Variants in PLCB1 observed in about 807,000 individuals in gnomAD.
The protein encoded by PLCB1 is phospholipase C beta 1.
Under a neutral mutation model 161.8 loss-of-function variants are expected in PLCB1, and 46 were observed. The observed-to-expected ratio is 0.28, with a 90% CI of 0.22 to 0.36. The LOEUF (loss-of-function observed/expected upper bound fraction) is 0.36. Among genes scored for constraint, PLCB1 ranks in the 10% least tolerant of loss-of-function variants. The pLI, the probability that PLCB1 is intolerant of heterozygous loss-of-function variation, is 1.00. For missense variants in PLCB1, 1,016 were observed against 1,472.5 expected, an observed-to-expected ratio of 0.69 and a Z score of 5.07; for synonymous variants, 517 against 503.7, an observed-to-expected ratio of 1.03 and a Z score of -0.35.
intron 2 of PLCB1, among the ~76,000 whole-genome samples, chr20:8,261,493 C>G (rs375057540): frequency 6.6e-6 from 1 of 152,166 alleles, no homozygotes; most frequent in African/African-American, 2.4e-5. Flanking sequence ...CTATAAGATT[C>G]CAGCTTTGCG....
chr20:8,453,866 A>C (rs1981179771), intron 3 of PLCB1, among the ~76,000 whole-genome samples: 1 of 152,210 alleles, frequency 6.6e-6, no homozygotes, highest in Admixed American at 6.5e-5. Context: ...CCTCACCCAC[A>C]GTGTAACTGT....
chr20:8,570,056 T>C (rs1986457300), intron 3 of PLCB1, among the ~76,000 whole-genome samples: 2 of 152,320 alleles, frequency 1.3e-5, no homozygotes, highest in Admixed American at 1.3e-4. Context: ...AATGTTTGCT[T>C]CATGCCAAAG....
At position 8,672,977 on chromosome 20, in the gene PLCB1, T is replaced by C. The variant is rs868421923; in HGVS notation, c.863-11955T>C. 3.8e-4 allele frequency among the ~76,000 whole-genome samples: 58 copies of C among 152,072 alleles called. 1 individual carries two copies. Among genetic ancestry groups the C allele is most frequent in the African/African-American group, 1.4e-3 (56 of 41,464 alleles). On this transcript the variant is annotated intron_variant, in intron 9 of 31. Coordinates refer to ENST00000338037, the MANE Select transcript of PLCB1 (RefSeq NM_015192.4). Reference sequence around the variant, plus strand: ...AAATATAAAAATTAGCCTAGCATGGTGATGCGCGCCTGTAATCCCAGCTAC... The same window carrying C: ...AAATATAAAAATTAGCCTAGCATGGCGATGCGCGCCTGTAATCCCAGCTAC...
intron 31 of PLCB1, among the ~76,000 whole-genome samples, chr20:8,851,172 G>A (rs1190964840): frequency 6.6e-6 from 1 of 152,184 alleles, no homozygotes; most frequent in Non-Finnish European, 1.5e-5. Context: ...GATCTGAGGA[G>A]TGGAATCCCC....
At chr20:8,749,073 T>C (rs974540066) in intron 23 of PLCB1, among the ~76,000 whole-genome samples, 5 of 152,210 alleles carry the variant, frequency 3.3e-5, no homozygotes, top group Admixed American at 1.3e-4. Flanking sequence ...CAGGTGATGC[T>C]TATGGCCCAT....
At chr20:8,846,862 G>A (rs1325384778) in intron 31 of PLCB1, among the ~76,000 whole-genome samples, 3 of 152,086 alleles carry the variant, frequency 2.0e-5, no homozygotes, top group Non-Finnish European at 4.4e-5. Context: ...ACTAGCTTTC[G>A]AGAGCCCATG....
chr20:8,735,465 A>G (rs1980531961), intron 19 of PLCB1, among the ~76,000 whole-genome samples: 1 of 152,186 alleles, frequency 6.6e-6, no homozygotes. Flanking sequence ...TACCTTTGAC[A>G]TTATAGCTAG....
At chr20:8,303,857 G>A (rs141554086) in intron 2 of PLCB1, among the ~76,000 whole-genome samples, 162 of 152,254 alleles carry the variant, frequency 1.1e-3, no homozygotes, top group Non-Finnish European at 2.0e-3. Context: ...GTAGGGTCTA[G>A]GATTCAAAGC....
chr20:8,824,181 C>T (rs538710750), intron 31 of PLCB1, among the ~76,000 whole-genome samples: 2 of 152,220 alleles, frequency 1.3e-5, no homozygotes, highest in Admixed American at 1.3e-4. Flanking sequence ...ATTGTTGGGC[C>T]TGTAAGTAGG....
At chr20:8,145,260 T>C (rs2051441986) in intron 1 of PLCB1, among the ~76,000 whole-genome samples, 1 of 152,186 alleles carries the variant, frequency 6.6e-6, no homozygotes, top group Non-Finnish European at 1.5e-5. Context: ...ATTTTCCTTC[T>C]GTACATGCCT....
At chr20:8,646,770 C>T (rs947144614) in intron 5 of PLCB1, among the ~76,000 whole-genome samples, 2 of 152,136 alleles carry the variant, frequency 1.3e-5, no homozygotes, top group Non-Finnish European at 2.9e-5. Flanking sequence ...ATTGCCACAG[C>T]CCTTCTAAAA....
Position 8,293,056 on chromosome 20 carries a change from A to T in PLCB1, c.178-78326A>T, listed in dbSNP as rs1234137641. ...AAACATGGTTTTTGGTCACAGTGTG[A>T]TTTGATGTCATATGTGGTCACATTC... On this transcript the variant is annotated intron_variant, in intron 2 of 31. Transcript: ENST00000338037. Among the ~76,000 whole-genome samples, 3 of 152,200 alleles carry T rather than the reference A, an allele frequency of 2.0e-5. No homozygotes were observed. The South Asian group carries it at 6.2e-4, about 32-fold the overall frequency.
chr20:8,799,399 G>A (rs980827010), intron 31 of PLCB1, among the ~76,000 whole-genome samples: 1 of 152,218 alleles, frequency 6.6e-6, no homozygotes, highest in East Asian at 1.9e-4. Context: ...ACACAACCAC[G>A]GATGGAAAAC....
Position 8,881,580 on chromosome 20 carries a change from CAT to C in PLCB1, c.3424-40_3424-39del, listed in dbSNP as rs764909281. 3 of 1,476,406 alleles carry C rather than the reference CAT, an allele frequency of 2.0e-6. No individual in the cohort carries two copies. The African/African-American group carries it at 4.2e-5, about 20-fold the overall frequency. 91.5% of individuals were successfully genotyped at this position (1,476,406 alleles called of 1,614,324 possible). On this transcript the variant is annotated intron_variant, in intron 31 of 31. Coordinates refer to ENST00000338037, the MANE Select transcript of PLCB1 (RefSeq NM_015192.4). The stretch of plus-strand genomic sequence containing the variant: ...GTTTCTATGGGAGTGGGTATAGAAA[CAT>C]AAACAACTTCAAGTCATCTCCCCTC...
chr20:8,416,183 G>A (rs899977726), intron 3 of PLCB1, among the ~76,000 whole-genome samples: 1 of 152,106 alleles, frequency 6.6e-6, no homozygotes, highest in Non-Finnish European at 1.5e-5. Context: ...GTGACTACTT[G>A]AATGATATTT....
intron 27 of PLCB1, among the ~76,000 whole-genome samples, chr20:8,783,244 T>C (rs2146213688): frequency 6.6e-6 from 1 of 152,322 alleles, no homozygotes; most frequent in Middle Eastern, 3.4e-3. Flanking sequence ...ACCTTCTTAA[T>C]TTATTTCCTA....
intron 7 of PLCB1, chr20:8,652,790 G>A (rs1219424950): frequency 2.0e-5 from 3 of 152,068 alleles, no homozygotes; most frequent in East Asian, 1.9e-4. Flanking sequence ...CCTGGCTGAC[G>A]TGATCCACTA....
At chr20:8,745,812 C>T (rs1026999307) in intron 23 of PLCB1, among the ~76,000 whole-genome samples, 14 of 152,002 alleles carry the variant, frequency 9.2e-5, no homozygotes, top group Non-Finnish European at 2.9e-5. Context: ...AATAAAAAGT[C>T]ACGTAGAAAA....
At position 8,741,528 on chromosome 20, in the gene PLCB1, A is replaced by G. The variant is rs757943736; in HGVS notation, c.2478A>G (p.Gln826=). 2 of 1,613,774 alleles carry G rather than the reference A, an allele frequency of 1.2e-6. No individual in the cohort carries two copies. The highest frequency in any genetic ancestry group is 2.2e-5 in the South Asian group (2 of 91,072). The change falls in exon 23 of 32, where the codon CAA becomes CAG. Residue 826 remains glutamine (Q), a synonymous_variant. Coordinates refer to ENST00000338037, the MANE Select transcript of PLCB1 (RefSeq NM_015192.4). ...ACCTGATGGAACAGAGAGCTAAGCAATTGGCTGCTTTGACACTGGAAGATG... is the reference window on the plus strand; with the variant it reads ...ACCTGATGGAACAGAGAGCTAAGCAGTTGGCTGCTTTGACACTGGAAGATG... ...YVNLMEQRAK[Q]LAALTLEDEE...
Sources: allele counts gnomAD v4.1 joint callset (sites outside exome capture counted in the v4.1 genomes callset), GRCh38; gene constraint gnomAD v4.1.1; transcripts MANE v1.5; gene names NCBI Gene and HGNC (gene_info 2026-07-23, HGNC 2026-07-21).